The following TIAM1 variants were observed in gnomAD, a reference collection of about 807,000 sequenced individuals.
The protein encoded by TIAM1 is TIAM Rac1 associated GEF 1.
In TIAM1, 65 loss-of-function variants were observed where a neutral mutation model predicts 163.5. That is an observed-to-expected ratio of 0.40 (90% CI 0.33 to 0.49). The LOEUF is 0.49. TIAM1 is among the 20% of genes least tolerant of loss of function. The probability of loss-of-function intolerance (pLI) is 0.77; values close to 1 mark genes in which losing one functional copy is unlikely to be tolerated. For missense variants in TIAM1, 1,789 were observed against 2,044.7 expected, an observed-to-expected ratio of 0.87 and a Z score of 2.41; for synonymous variants, 833 against 810.1, an observed-to-expected ratio of 1.03 and a Z score of -0.48.
chr21:31,299,103 T>C (rs1051303005), intron 2 of TIAM1, among the ~76,000 whole-genome samples: 1 of 152,196 alleles, frequency 6.6e-6, no homozygotes, highest in Non-Finnish European at 1.5e-5. Context: ...AAATTTCTAA[T>C]CATGGGTTTC....
At chr21:31,133,901 C>G (rs2082514536) in intron 23 of TIAM1, among the ~76,000 whole-genome samples, 1 of 152,094 alleles carries the variant, frequency 6.6e-6, no homozygotes, top group Admixed American at 6.5e-5. Context: ...AACTCCATCT[C>G]TACTAAAAAC....
intron 22 of TIAM1, among the ~76,000 whole-genome samples, chr21:31,136,987 G>A (rs189825238): frequency 6.6e-6 from 1 of 152,268 alleles, no homozygotes; most frequent in South Asian, 2.1e-4. Context: ...AGGTTTAGTC[G>A]CTCACCCCCA....
At chr21:31,443,833 C>T (rs909252705) in intron 2 of TIAM1, among the ~76,000 whole-genome samples, 29 of 152,292 alleles carry the variant, frequency 1.9e-4, no homozygotes, top group Middle Eastern at 3.4e-3. Flanking sequence ...CATCCCTATC[C>T]CTCCTGCAAA....
At chr21:31,511,644 G>A (rs960613149) in intron 1 of TIAM1, among the ~76,000 whole-genome samples, 4 of 152,198 alleles carry the variant, frequency 2.6e-5, no homozygotes, top group Non-Finnish European at 4.4e-5. Flanking sequence ...TGTCACCGAC[G>A]TATGCTTCTC....
intron 19 of TIAM1, among the ~76,000 whole-genome samples, chr21:31,148,004 C>CAAAAAA (rs34410316): frequency 4.7e-5 from 3 of 63,798 alleles, no homozygotes; most frequent in Admixed American, 2.4e-4. Context: ...TGTCCATGAC[C>CAAAAAA]AAAAAAAAAA....
At chr21:31,144,696 G>T (rs1452934277) in intron 20 of TIAM1, among the ~76,000 whole-genome samples, 1 of 151,800 alleles carries the variant, frequency 6.6e-6, no homozygotes, top group Admixed American at 6.6e-5. Context: ...GGGCATGGTG[G>T]CGTGCACCTG....
chr21:31,547,496 G>C (rs556837730), intron 1 of TIAM1, among the ~76,000 whole-genome samples: 1 of 151,994 alleles, frequency 6.6e-6, no homozygotes, highest in South Asian at 2.1e-4. Context: ...GGGAAAAAAG[G>C]AAAAAAACTA....
At chr21:31,249,602 C>T (rs922204706) in intron 5 of TIAM1, among the ~76,000 whole-genome samples, 2 of 152,136 alleles carry the variant, frequency 1.3e-5, no homozygotes, top group African/African-American at 4.8e-5. Context: ...GGATAAGAGG[C>T]TGCAGCGTCC....
chr21:31,471,184 G>A (rs1416330075), intron 1 of TIAM1, among the ~76,000 whole-genome samples: 2 of 152,220 alleles, frequency 1.3e-5, no homozygotes, highest in Non-Finnish European at 2.9e-5. Flanking sequence ...GGACCACACA[G>A]GAAATGCCCA....
Position 31,380,232 on chromosome 21 carries a change from T to C in TIAM1, c.-368-40810A>G, listed in dbSNP as rs114036787. Among the ~76,000 whole-genome samples, 756 of 152,290 alleles carry C rather than the reference T, an allele frequency of 5.0e-3. 4 individuals carry two copies. Among genetic ancestry groups the C allele is most frequent in the African/African-American group, 0.017 (724 of 41,558 alleles). On this transcript the variant is annotated intron_variant, in intron 2 of 28. Transcript: ENST00000286827. ...TGGAGCACGCCACCGCACTCTAGCCTGAGCGAAATAGTGAGACTTTGTCTC... is the reference window on the plus strand; with the variant it reads ...TGGAGCACGCCACCGCACTCTAGCCCGAGCGAAATAGTGAGACTTTGTCTC...
intron 22 of TIAM1, among the ~76,000 whole-genome samples, chr21:31,136,503 C>G (rs563774398): frequency 2.6e-5 from 4 of 151,778 alleles, no homozygotes; most frequent in Non-Finnish European, 5.9e-5. Flanking sequence ...AAAAAAAATC[C>G]TTTAATTCAT....
At chr21:31,398,441 T>C (rs370395271) in intron 2 of TIAM1, among the ~76,000 whole-genome samples, 21 of 152,324 alleles carry the variant, frequency 1.4e-4, no homozygotes, top group African/African-American at 5.1e-4. Flanking sequence ...AACCACCACA[T>C]AATTTTACTC....
At chr21:31,519,638 G>GCGTGC (rs1400693813) in intron 1 of TIAM1, among the ~76,000 whole-genome samples, 2 of 151,846 alleles carry the variant, frequency 1.3e-5, no homozygotes, top group Non-Finnish European at 2.9e-5. Flanking sequence ...ACAGCCAAAA[G>GCGTGC]ATAGAAGTAA....
At chr21:31,412,931 C>A (rs1319385076) in intron 2 of TIAM1, among the ~76,000 whole-genome samples, 1 of 152,132 alleles carries the variant, frequency 6.6e-6, no homozygotes, top group Non-Finnish European at 1.5e-5. Context: ...CACTCACAGG[C>A]CGCATACCTC....
At chr21:31,498,309 T>A (rs1034576172) in intron 1 of TIAM1, among the ~76,000 whole-genome samples, 1 of 152,200 alleles carries the variant, frequency 6.6e-6, no homozygotes, top group African/African-American at 2.4e-5. Context: ...CACGTTAAAC[T>A]TCATGGGACT....
chr21:31,460,782 A>G (rs745481081), intron 2 of TIAM1, among the ~76,000 whole-genome samples: 9 of 152,212 alleles, frequency 5.9e-5, no homozygotes, highest in Non-Finnish European at 1.3e-4. Flanking sequence ...GCATTATAAA[A>G]CAGAATCTTT....
chr21:31,536,435 G>A (rs1032763275), intron 1 of TIAM1, among the ~76,000 whole-genome samples: 7 of 152,152 alleles, frequency 4.6e-5, no homozygotes, highest in Admixed American at 1.3e-4. Flanking sequence ...GGACCACCCC[G>A]GATACCCCAA....
intron 20 of TIAM1, among the ~76,000 whole-genome samples, chr21:31,142,638 A>G (rs1341772996): frequency 6.6e-5 from 10 of 151,090 alleles, no homozygotes; most frequent in Non-Finnish European, 7.4e-5. Context: ...CTCAAAAAAA[A>G]AAAAAAAAGA....
At chr21:31,188,316 T>C (rs1246429213) in intron 13 of TIAM1, among the ~76,000 whole-genome samples, 3 of 152,194 alleles carry the variant, frequency 2.0e-5, no homozygotes, top group African/African-American at 7.2e-5. Context: ...ATTCTCTTCT[T>C]TCAGCAACTT....
Sources: allele counts gnomAD v4.1 joint callset (sites outside exome capture counted in the v4.1 genomes callset), GRCh38; gene constraint gnomAD v4.1.1; transcripts MANE v1.5; gene names NCBI Gene and HGNC (gene_info 2026-07-23, HGNC 2026-07-21).